CFAP54: variants seen among roughly 807,000 people sequenced by gnomAD.
The protein encoded by CFAP54 is cilia- and flagella-associated protein 54.
Under a neutral mutation model 370.4 loss-of-function variants are expected in CFAP54, and 290 were observed. The observed-to-expected ratio is 0.78, with a 90% CI of 0.71 to 0.86. The LOEUF is 0.86. CFAP54 is among the 40% of genes least tolerant of loss of function. The pLI is 0.00. For synonymous variants in CFAP54, 1,206 were observed against 1,236.5 expected, an observed-to-expected ratio of 0.98 and a Z score of 0.52; for missense variants, 3,399 against 3,528.7, an observed-to-expected ratio of 0.96 and a Z score of 0.93.
intron 63 of CFAP54, among the ~76,000 whole-genome samples, chr12:96,805,938 A>T (rs1958872727): frequency 1.3e-5 from 2 of 151,570 alleles, no homozygotes; most frequent in Non-Finnish European, 2.9e-5. Context: ...GGAGGCCATT[A>T]TCCTAACTAA....
chr12:96,784,868 T>G lies in CFAP54; in HGVS notation c.8433T>G (p.Ile2811Met). The stretch of plus-strand genomic sequence containing the variant: ...GCTACTATATTCACCTTCAGAGGAT[T>G]AATAATCTGAGCAAACTGCTAGGTA... ...LLRYYIHLQRINNLSKLLASA... is the reference protein window; with the variant it reads ...LLRYYIHLQRMNNLSKLLASA... Residue 2811 changes from isoleucine to methionine, a missense_variant, in exon 61 of 68, where the codon ATT (isoleucine) becomes ATG (methionine). Physicochemically the swap from Ile to Met is conservative, Grantham distance 10. Transcript: ENST00000524981. 1 of 1,523,858 alleles carries G rather than the reference T, an allele frequency of 6.6e-7. No homozygotes were observed. The highest frequency in any genetic ancestry group is 8.8e-7 in the Non-Finnish European group (1 of 1,141,158). The allele number at this position is 1,523,858 out of a possible 1,614,324, so 94.4% of individuals were successfully genotyped here.
chr12:96,645,150 C>T (rs1263652052), intron 33 of CFAP54: 2 of 456,610 alleles, frequency 4.4e-6, no homozygotes. Context: ...CTATCATTAA[C>T]TCAACAGACA....
chr12:96,718,235 C>T (rs112811035), intron 48 of CFAP54, among the ~76,000 whole-genome samples: 38 of 151,970 alleles, frequency 2.5e-4, no homozygotes, highest in African/African-American at 8.2e-4. Flanking sequence ...GGTGTGCGCC[C>T]GTAGTCCCAG....
intron 34 of CFAP54, among the ~76,000 whole-genome samples, chr12:96,648,565 C>T (rs1956822990): frequency 1.4e-5 from 2 of 143,610 alleles, no homozygotes; most frequent in African/African-American, 2.6e-5. Context: ...TAGAGACATG[C>T]AGGTAAACAG....
At chr12:96,676,852 G>C (rs537543392) in intron 39 of CFAP54, among the ~76,000 whole-genome samples, 3 of 152,188 alleles carry the variant, frequency 2.0e-5, no homozygotes, top group East Asian at 3.9e-4. Context: ...AGAGACCCCA[G>C]GTTGCTCTGT....
chr12:96,772,640 T>G (rs1204658806), intron 60 of CFAP54, among the ~76,000 whole-genome samples: 6 of 137,698 alleles, frequency 4.4e-5, no homozygotes, highest in Non-Finnish European at 7.4e-5. Flanking sequence ...TTGCCCAGGC[T>G]GGAGTGCAAT....
chr12:96,497,859 A>G (rs1392074611), intron 1 of CFAP54, among the ~76,000 whole-genome samples: 2 of 152,212 alleles, frequency 1.3e-5, no homozygotes, highest in Non-Finnish European at 2.9e-5. Context: ...AGACCCCTAT[A>G]TAAGAAGAGT....
At chr12:96,854,539 G>A (rs1959646684) in intron 66 of CFAP54, among the ~76,000 whole-genome samples, 1 of 152,030 alleles carries the variant, frequency 6.6e-6, no homozygotes, top group Admixed American at 6.6e-5. Flanking sequence ...AAAATTGAAA[G>A]CACTTGTGTA....
rs753988958 is a variant in CFAP54 at position 96,522,173 on chromosome 12, T to G, written c.1142T>G (p.Leu381Arg). The change falls in exon 8 of 68, where the codon CTA becomes CGA. Residue 381 changes from leucine (L) to arginine (R), a missense_variant. Coordinates refer to ENST00000524981, the MANE Select transcript of CFAP54 (RefSeq NM_001306084.2). ...AVFRPKIRIN[L>R]REVQTLSWPR... ...TTTAGACCTAAGATAAGAATTAACCTAAGGGAAGTACAAACTGTAAGTCTA... is the reference window on the plus strand; with the variant it reads ...TTTAGACCTAAGATAAGAATTAACCGAAGGGAAGTACAAACTGTAAGTCTA... The G allele has an allele frequency of 3.9e-6, 6 of 1,530,708 alleles. No individual in the cohort carries two copies. The highest frequency in any genetic ancestry group is 2.4e-5 in the South Asian group (2 of 83,478). The allele number at this position is 1,530,708 out of a possible 1,614,324, so 94.8% of individuals were successfully genotyped here.
intron 55 of CFAP54, among the ~76,000 whole-genome samples, chr12:96,752,213 AT>A (rs1440216163): frequency 2.0e-5 from 3 of 152,202 alleles, no homozygotes; most frequent in Non-Finnish European, 2.9e-5. Context: ...ATTTAAAAAA[AT>A]ATATCCTTTG....
chr12:96,823,270 G>C (rs1959053094), intron 65 of CFAP54, among the ~76,000 whole-genome samples: 2 of 152,102 alleles, frequency 1.3e-5, no homozygotes, highest in South Asian at 4.1e-4. Flanking sequence ...CAAATATCCT[G>C]TATTAGTTAG....
At chr12:96,822,926 C>T (rs1396986083) in intron 65 of CFAP54, among the ~76,000 whole-genome samples, 2 of 152,154 alleles carry the variant, frequency 1.3e-5, no homozygotes, top group Non-Finnish European at 2.9e-5. Context: ...CCCAGTCTGG[C>T]TCAGCAATTT....
In CFAP54 at chr12:96,504,038, A is replaced by G; in HGVS notation, c.567+9A>G. 6.7e-7 allele frequency: 1 copy of G among 1,498,202 alleles called. No homozygotes were observed. The highest frequency in any genetic ancestry group is 1.3e-5 in the South Asian group (1 of 77,040). The allele number at this position is 1,498,202 out of a possible 1,614,324, so 92.8% of individuals were successfully genotyped here. ...AAACTGCTGGACTTACAGTAAGATG[A>G]AAGAGCAGCTGAAATAGCTACAATT... is the stretch of plus-strand genomic sequence containing the variant. On this transcript the variant is annotated intron_variant, in intron 3 of 67. Coordinates refer to ENST00000524981, the MANE Select transcript of CFAP54 (RefSeq NM_001306084.2).
At chr12:96,577,446 C>CTCTTTGA (rs1478540451) in intron 20 of CFAP54, among the ~76,000 whole-genome samples, 1 of 152,110 alleles carries the variant, frequency 6.6e-6, no homozygotes, top group Admixed American at 6.6e-5. Flanking sequence ...CAACAACATG[C>CTCTTTGA]TCTTTGATGT....
At chr12:96,650,281 G>A (rs760956623) in intron 35 of CFAP54, among the ~76,000 whole-genome samples, 15 of 152,114 alleles carry the variant, frequency 9.9e-5, no homozygotes, top group Non-Finnish European at 1.9e-4. Flanking sequence ...TCAGGCAGAG[G>A]GGGGAAGCTT....
rs574330918 is a variant in CFAP54 at position 96,752,329 on chromosome 12, G to A, written c.7685-1414G>A. 2.0e-5 allele frequency among the ~76,000 whole-genome samples: 3 copies of A among 152,248 alleles called. No individual in the cohort carries two copies. The South Asian group carries it at 6.2e-4, about 32-fold the overall frequency. ...TTTTAGCATTTAGTAGCCAAGAAAT[G>A]TTTTAAAGACATGTAATACCCAATA... is the stretch of plus-strand genomic sequence containing the variant. On this transcript the variant is annotated intron_variant, in intron 55 of 67. Coordinates refer to ENST00000524981, the MANE Select transcript of CFAP54 (RefSeq NM_001306084.2).
chr12:96,823,122 C>CTGTG (rs10553724), intron 65 of CFAP54, among the ~76,000 whole-genome samples: 3 of 142,094 alleles, frequency 2.1e-5, no homozygotes, highest in African/African-American at 7.7e-5. Flanking sequence ...GTGTGTTTGT[C>CTGTG]TGTGTGTGTG....
At chr12:96,786,577 A>C in intron 61 of CFAP54, 98 bp from the exon 62 acceptor site, 1 of 820,210 alleles carries the variant, frequency 1.2e-6, no homozygotes, top group Non-Finnish European at 1.9e-6. Flanking sequence ...CGGAGGTGGG[A>C]ATATGTAACG....
At chr12:96,595,549 A>G (rs913711161) in intron 25 of CFAP54, among the ~76,000 whole-genome samples, 5 of 152,126 alleles carry the variant, frequency 3.3e-5, no homozygotes, top group South Asian at 2.1e-4. Flanking sequence ...AAGTCCAAAC[A>G]TTTTTAGTAC....
Sources: allele counts gnomAD v4.1 joint callset (sites outside exome capture counted in the v4.1 genomes callset), GRCh38; gene constraint gnomAD v4.1.1; transcripts MANE v1.5; gene names NCBI Gene and HGNC (gene_info 2026-07-23, HGNC 2026-07-21).